KIAA1328: variants seen among roughly 807,000 people sequenced by gnomAD.
KIAA1328 encodes the protein KIAA1328.
A neutral mutation model predicts 68.1 loss-of-function variants in KIAA1328; 52 were observed. The ratio of observed to expected loss-of-function variants is 0.76; its 90% CI spans 0.61 to 0.96. The LOEUF is 0.96. Among genes scored for constraint, KIAA1328 ranks in the 40% least tolerant of loss-of-function variants. The pLI, the probability that KIAA1328 is intolerant of heterozygous loss-of-function variation, is 0.00. For synonymous variants in KIAA1328, 232 were observed against 239.4 expected (o/e 0.97, Z 0.28); for missense variants, 641 against 677.6 (o/e 0.95, Z 0.60).
intron 4 of KIAA1328, among the ~76,000 whole-genome samples, chr18:36,877,425 G>T (rs1030947356): frequency 6.6e-6 from 1 of 151,624 alleles, no homozygotes; most frequent in Non-Finnish European, 1.5e-5. Context: ...ATTATGTAAT[G>T]CCGTTCTTCG....
At chr18:37,102,168 G>T (rs1020174337) in intron 7 of KIAA1328, among the ~76,000 whole-genome samples, 1 of 152,154 alleles carries the variant, frequency 6.6e-6, no homozygotes, top group Non-Finnish European at 1.5e-5. Context: ...GATCAAGTGG[G>T]GTTTATGCCA....
At chr18:36,939,051 CA>C (rs2050610656) in intron 5 of KIAA1328, among the ~76,000 whole-genome samples, 1 of 151,926 alleles carries the variant, frequency 6.6e-6, no homozygotes, top group African/African-American at 2.4e-5. Flanking sequence ...TCTTGTTGCT[CA>C]AAACTTACTG....
At chr18:36,884,763 GCA>G (rs2048442564) in intron 4 of KIAA1328, among the ~76,000 whole-genome samples, 1 of 152,154 alleles carries the variant, frequency 6.6e-6, no homozygotes, top group Non-Finnish European at 1.5e-5. Flanking sequence ...TAATGTCTCT[GCA>G]CACAGAGTAG....
At chr18:37,191,921 TGACCAGAGGGCAGA>T (rs1204210267) in intron 9 of KIAA1328, among the ~76,000 whole-genome samples, 1 of 152,226 alleles carries the variant, frequency 6.6e-6, no homozygotes, top group African/African-American at 2.4e-5. Context: ...AGCTTCCTTG[TGACCAGAGGGCAGA>T]GTGGTATAAT....
chr18:37,080,779 G>GAA (rs768469176), intron 7 of KIAA1328, among the ~76,000 whole-genome samples: 2 of 131,298 alleles, frequency 1.5e-5, no homozygotes, highest in African/African-American at 2.8e-5. Flanking sequence ...GACTCTGTCT[G>GAA]AAAAAAAAAA....
intron 7 of KIAA1328, among the ~76,000 whole-genome samples, chr18:37,134,146 T>C (rs2058589779): frequency 6.6e-6 from 1 of 152,018 alleles, no homozygotes; most frequent in Non-Finnish European, 1.5e-5. Flanking sequence ...CCCGAGTAGC[T>C]GGGATTACAG....
intron 5 of KIAA1328, among the ~76,000 whole-genome samples, chr18:36,889,416 A>G (rs2150994449): frequency 6.6e-6 from 1 of 152,362 alleles, no homozygotes; most frequent in African/African-American, 2.4e-5. Flanking sequence ...TTTCTAGAAC[A>G]TATGACTCAG....
chr18:36,835,020 T>C (rs977465230), intron 2 of KIAA1328, among the ~76,000 whole-genome samples: 2 of 152,086 alleles, frequency 1.3e-5, no homozygotes, highest in African/African-American at 2.4e-5. Flanking sequence ...AAAATAAATA[T>C]AAAAACAAAT....
At chr18:37,115,157 G>C (rs897881574) in intron 7 of KIAA1328, among the ~76,000 whole-genome samples, 2 of 152,116 alleles carry the variant, frequency 1.3e-5, no homozygotes, top group African/African-American at 4.8e-5. Flanking sequence ...CTCCCTAACT[G>C]ATTTTATGAG....
chr18:36,959,292 T>G lies in KIAA1328; in HGVS notation c.449-16T>G, dbSNP rs1319416165. On this transcript the variant is annotated splice_polypyrimidine_tract_variant and intron_variant, in intron 5 of 9. Coordinates refer to ENST00000280020, the MANE Select transcript of KIAA1328 (RefSeq NM_020776.3). ...AATCAATTTTTCAGTTTTTTTCCCTTAATTTGCAATCTCACCTCTTCAGCT... is the reference window on the plus strand; with the variant it reads ...AATCAATTTTTCAGTTTTTTTCCCTGAATTTGCAATCTCACCTCTTCAGCT... The G allele has an allele frequency of 6.4e-7, 1 of 1,554,204 alleles. No homozygotes were observed.
At chr18:37,133,933 T>G (rs1263618285) in intron 7 of KIAA1328, among the ~76,000 whole-genome samples, 1 of 152,160 alleles carries the variant, frequency 6.6e-6, no homozygotes, top group East Asian at 1.9e-4. Context: ...AAAGAACATA[T>G]TGATAATTAC....
intron 6 of KIAA1328, among the ~76,000 whole-genome samples, chr18:36,982,492 T>C (rs2052734502): frequency 1.3e-5 from 2 of 151,790 alleles, no homozygotes; most frequent in African/African-American, 4.8e-5. Context: ...AGAGCAACAT[T>C]TAAAAGTACT....
chr18:37,143,453 A>C (rs1490679396), intron 7 of KIAA1328, among the ~76,000 whole-genome samples: 4 of 151,266 alleles, frequency 2.6e-5, no homozygotes, highest in Admixed American at 2.6e-4. Context: ...TGAAATTCAC[A>C]ATCTCATTGC....
At chr18:37,054,867 A>T (rs559313374) in intron 6 of KIAA1328, among the ~76,000 whole-genome samples, 1 of 152,188 alleles carries the variant, frequency 6.6e-6, no homozygotes, top group Non-Finnish European at 1.5e-5. Context: ...TACTGTTAAA[A>T]ATGTTGACAG....
At chr18:36,948,653 G>GCAACCTCTACCTCCTGGGTTCAAGGA (rs1362324291) in intron 5 of KIAA1328, among the ~76,000 whole-genome samples, 36 of 150,886 alleles carry the variant, frequency 2.4e-4, no homozygotes, top group African/African-American at 8.1e-4. Context: ...GGGTTCAAGC[G>GCAACCTCTACCTCCTGGGTTCAAGGA]ATTCTCCTGC....
chr18:37,102,820 A>G (rs533537344), intron 7 of KIAA1328, among the ~76,000 whole-genome samples: 2 of 152,346 alleles, frequency 1.3e-5, no homozygotes, highest in South Asian at 2.1e-4. Flanking sequence ...GACTTTATTT[A>G]TAGAAAAACT....
intron 7 of KIAA1328, among the ~76,000 whole-genome samples, chr18:37,081,917 T>C (rs375122570): frequency 1.0e-3 from 159 of 152,312 alleles, no homozygotes; most frequent in African/African-American, 3.2e-3. Flanking sequence ...AATTTGTTAT[T>C]GAATATGTCC....
intron 6 of KIAA1328, among the ~76,000 whole-genome samples, chr18:37,000,093 A>G (rs1454563968): frequency 6.6e-6 from 1 of 152,126 alleles, no homozygotes; most frequent in African/African-American, 2.4e-5. Context: ...TGATCCAACC[A>G]TATGCTGCAT....
intron 6 of KIAA1328, among the ~76,000 whole-genome samples, chr18:36,966,739 A>G (rs1469404560): frequency 6.6e-6 from 1 of 152,220 alleles, no homozygotes; most frequent in Non-Finnish European, 1.5e-5. Flanking sequence ...CAAGACGTAT[A>G]CACTGAAGAC....
Sources: allele counts gnomAD v4.1 joint callset (sites outside exome capture counted in the v4.1 genomes callset), GRCh38; gene constraint gnomAD v4.1.1; transcripts MANE v1.5; gene names NCBI Gene and HGNC (gene_info 2026-07-23, HGNC 2026-07-21).